Variants in ITFG1 observed in about 807,000 individuals in gnomAD.
ITFG1 encodes the protein integrin alpha FG-GAP repeat containing 1, also known as T-cell immunomodulatory protein.
Under a neutral mutation model 81.8 loss-of-function variants are expected in ITFG1, and 34 were observed. The observed-to-expected ratio is 0.42, with a 90% CI of 0.32 to 0.55. ITFG1 has a LOEUF of 0.55. Ranked by LOEUF, ITFG1 falls within the 20% of genes least tolerant of loss-of-function variation. The probability of loss-of-function intolerance (pLI) is 0.17; values close to 1 mark genes in which losing one functional copy is unlikely to be tolerated. For synonymous variants in ITFG1, 285 were observed against 270.6 expected, an observed-to-expected ratio of 1.05 and a Z score of -0.52; for missense variants, 672 against 755.4, an observed-to-expected ratio of 0.89 and a Z score of 1.29.
chr16:47,300,697 A>C (rs1967062115), intron 10 of ITFG1, among the ~76,000 whole-genome samples: 1 of 152,254 alleles, frequency 6.6e-6, no homozygotes, highest in African/African-American at 2.4e-5. Flanking sequence ...AATAGAAGGC[A>C]GATGGCTTAA....
At chr16:47,362,751 G>A (rs1261000977) in intron 8 of ITFG1, among the ~76,000 whole-genome samples, 2 of 152,020 alleles carry the variant, frequency 1.3e-5, no homozygotes, top group Non-Finnish European at 2.9e-5. Context: ...TTTTTCCATG[G>A]CATTAATTTC....
intron 14 of ITFG1, among the ~76,000 whole-genome samples, chr16:47,181,875 G>A (rs1965128983): frequency 6.6e-6 from 1 of 152,152 alleles, no homozygotes; most frequent in Non-Finnish European, 1.5e-5. Context: ...GTTGATCTAT[G>A]ACCTTACCCC....
intron 8 of ITFG1, among the ~76,000 whole-genome samples, chr16:47,351,847 C>G (rs1302455646): frequency 6.6e-6 from 1 of 152,186 alleles, no homozygotes; most frequent in Non-Finnish European, 1.5e-5. Flanking sequence ...CAGCCATGTA[C>G]TGGTACCAAA....
chr16:47,390,702 C>T (rs1033572271), intron 6 of ITFG1, among the ~76,000 whole-genome samples: 17 of 152,156 alleles, frequency 1.1e-4, no homozygotes, highest in African/African-American at 3.9e-4. Context: ...TCAGGTGATC[C>T]GCCCACCTCG....
rs1967962590 is a variant in ITFG1, at chr16:47,351,881, G to C, written c.802+13907C>G. The stretch of plus-strand genomic sequence containing the variant: ...AACAGAGATAGAGACCAATGGAACA[G>C]AACAGACCCCTCAGAAATAATACCA... On this transcript the variant is annotated intron_variant, in intron 8 of 17. Coordinates refer to ENST00000320640, the MANE Select transcript of ITFG1 (RefSeq NM_030790.5). 2.0e-5 allele frequency among the ~76,000 whole-genome samples: 3 copies of C among 152,282 alleles called. No individual in the cohort carries two copies. The South Asian group carries it at 6.2e-4, about 32-fold the overall frequency.
intron 14 of ITFG1, among the ~76,000 whole-genome samples, chr16:47,203,477 G>T (rs1353656731): frequency 1.3e-5 from 2 of 152,130 alleles, no homozygotes; most frequent in Non-Finnish European, 2.9e-5. Context: ...TAGAATCAGT[G>T]GGAGCCCTGA....
At chr16:47,373,886 T>C (rs1458229520) in intron 7 of ITFG1, among the ~76,000 whole-genome samples, 3 of 152,198 alleles carry the variant, frequency 2.0e-5, no homozygotes, top group African/African-American at 7.2e-5. Flanking sequence ...AAAGTCTCTG[T>C]CCAATCTCTA....
At chr16:47,315,452 T>G (rs753192019) in intron 8 of ITFG1, among the ~76,000 whole-genome samples, 10 of 152,156 alleles carry the variant, frequency 6.6e-5, no homozygotes, top group Non-Finnish European at 1.5e-4. Context: ...GAGAACAATT[T>G]GAAGAGCATT....
chr16:47,160,118 T>C (rs1964778220), intron 16 of ITFG1, among the ~76,000 whole-genome samples: 1 of 151,786 alleles, frequency 6.6e-6, no homozygotes, highest in Non-Finnish European at 1.5e-5. Context: ...ACAGTTCTTT[T>C]ATGAGATGTT....
chr16:47,348,962 G>C (rs1181962847), intron 8 of ITFG1, among the ~76,000 whole-genome samples: 2 of 152,120 alleles, frequency 1.3e-5, no homozygotes. Flanking sequence ...GCCAAACTAA[G>C]CTTCACAAGT....
intron 7 of ITFG1, among the ~76,000 whole-genome samples, chr16:47,367,222 C>T (rs1302013372): frequency 2.0e-5 from 3 of 152,226 alleles, no homozygotes; most frequent in Non-Finnish European, 4.4e-5. Flanking sequence ...TCTGGGCACT[C>T]CAACCTCCAG....
intron 14 of ITFG1, among the ~76,000 whole-genome samples, chr16:47,217,144 GAAAAA>G (rs11456301): frequency 1.3e-5 from 2 of 150,502 alleles, no homozygotes; most frequent in Non-Finnish European, 3.0e-5. Context: ...ATCATTATAT[GAAAAA>G]AAAAGAAAAA....
chr16:47,235,624 C>G (rs1965864376), intron 13 of ITFG1, among the ~76,000 whole-genome samples: 1 of 152,106 alleles, frequency 6.6e-6, no homozygotes, highest in Non-Finnish European at 1.5e-5. Flanking sequence ...GATAGTCTGC[C>G]TATCAGGTGT....
At chr16:47,370,205 C>T (rs955984747) in intron 7 of ITFG1, among the ~76,000 whole-genome samples, 4 of 152,082 alleles carry the variant, frequency 2.6e-5, no homozygotes, top group Admixed American at 6.6e-5. Context: ...GATGGGTCCC[C>T]GGTGAAACCC....
Position 47,411,377 on chromosome 16 carries a change from T to A in ITFG1, c.655+17427A>T, listed in dbSNP as rs374196739. ...AGGCTTGGAAGACAAAACTAGCTGG[T>A]TGGGGCAGATACCGGGGAGGCCACC... On this transcript the variant is annotated intron_variant, in intron 6 of 17. Transcript: ENST00000320640. Among the ~76,000 whole-genome samples, 5 of 151,998 alleles carry A rather than the reference T, an allele frequency of 3.3e-5. No individual in the cohort carries two copies. In the South Asian group the frequency reaches 6.2e-4, roughly 19 times the overall value.
At chr16:47,315,931 C>T (rs983917785) in intron 8 of ITFG1, among the ~76,000 whole-genome samples, 1 of 151,950 alleles carries the variant, frequency 6.6e-6, no homozygotes, top group African/African-American at 2.4e-5. Flanking sequence ...GCTGGGATTA[C>T]GGGCATCTGC....
chr16:47,335,240 C>T lies in ITFG1; in HGVS notation c.803-21417G>A, dbSNP rs13337165. Among the ~76,000 whole-genome samples, 718 of 152,122 alleles carry T rather than the reference C, an allele frequency of 4.7e-3. 6 individuals carry two copies. The highest frequency in any genetic ancestry group is 0.016 in the African/African-American group (682 of 41,486). On this transcript the variant is annotated intron_variant, in intron 8 of 17. Transcript: ENST00000320640. ...GGCGTGGTGGTGGGCACCTGTAATCCCAGCTACTAGGGAGGCTGAGGCAGG... is the reference window on the plus strand; with the variant it reads ...GGCGTGGTGGTGGGCACCTGTAATCTCAGCTACTAGGGAGGCTGAGGCAGG...
chr16:47,326,075 A>G (rs142077551), intron 8 of ITFG1, among the ~76,000 whole-genome samples: 1,612 of 152,352 alleles, frequency 0.011, 17 homozygotes, highest in Non-Finnish European at 0.014. Context: ...CAAATCCTCA[A>G]TAAAATACTG....
intron 8 of ITFG1, 137 bp from the exon 9 acceptor site, chr16:47,313,960 G>A: frequency 4.0e-6 from 2 of 502,012 alleles, no homozygotes; most frequent in South Asian, 3.3e-5. Flanking sequence ...GCTTCAAAAT[G>A]AATATGATTT....
Sources: allele counts gnomAD v4.1 joint callset (sites outside exome capture counted in the v4.1 genomes callset), GRCh38; gene constraint gnomAD v4.1.1; transcripts MANE v1.5; gene names NCBI Gene and HGNC (gene_info 2026-07-23, HGNC 2026-07-21).